The following UROS variants were observed in gnomAD, a reference collection of about 807,000 sequenced individuals.
UROS encodes uroporphyrinogen III synthase.
UROS carries 18 observed loss-of-function variants against 33.0 expected under a neutral mutation model. The ratio of observed to expected loss-of-function variants is 0.55; its 90% CI spans 0.38 to 0.81. The LOEUF (loss-of-function observed/expected upper bound fraction) is 0.81, where lower values mean the gene tolerates loss of function less well. Ranked by LOEUF, UROS falls within the 30% of genes least tolerant of loss-of-function variation. The pLI is 0.00. For missense variants in UROS, 293 were observed against 314.9 expected, an observed-to-expected ratio of 0.93 and a Z score of 0.53; for synonymous variants, 114 against 121.1, an observed-to-expected ratio of 0.94 and a Z score of 0.38.
At chr10:125,789,215 C>T in intron 9 of UROS, 4 of 1,439,014 alleles carry the variant, frequency 2.8e-6, no homozygotes, top group Non-Finnish European at 3.7e-6. Context: ...ATCAGTCTGC[C>T]ACCCTGAGCG....
intron 7 of UROS, chr10:125,796,829 A>G (rs1026103595): frequency 1.2e-4 from 115 of 985,316 alleles, no homozygotes; most frequent in Non-Finnish European, 1.3e-4. Flanking sequence ...GGGCAGCCAG[A>G]TGGTAGGTGA....
intron 6 of UROS, chr10:125,802,328 C>T (rs1851908814): frequency 3.0e-6 from 3 of 985,940 alleles, no homozygotes; most frequent in South Asian, 4.7e-5. Context: ...GAACAACTGT[C>T]TGTGGCTTCC....
At chr10:125,822,691 C>A (rs1247737196) in intron 1 of UROS, among the ~76,000 whole-genome samples, 1 of 152,202 alleles carries the variant, frequency 6.6e-6, no homozygotes, top group Non-Finnish European at 1.5e-5. Context: ...CTCCTGACCT[C>A]TGGTGATCCA....
At chr10:125,795,245 C>A (rs1589931902) in intron 8 of UROS, 1 of 504,642 alleles carries the variant, frequency 2.0e-6, no homozygotes, top group Non-Finnish European at 3.6e-6. Context: ...CATCCCGGAG[C>A]TCATGTGCCC....
chr10:125,810,994 CCTAA>C (rs1325054851), intron 5 of UROS, among the ~76,000 whole-genome samples: 5 of 152,324 alleles, frequency 3.3e-5, no homozygotes, highest in East Asian at 1.9e-4. Flanking sequence ...CCAGTGAGTG[CCTAA>C]CTGAGACCAA....
intron 9 of UROS, chr10:125,793,576 C>T (rs1369680092): frequency 6.6e-6 from 1 of 152,298 alleles, no homozygotes; most frequent in African/African-American, 2.4e-5. Context: ...TACGGAGTTT[C>T]ACTCTTGTCA....
chr10:125,815,464 G>T (rs1853231884), intron 3 of UROS, among the ~76,000 whole-genome samples: 1 of 152,160 alleles, frequency 6.6e-6, no homozygotes, highest in South Asian at 2.1e-4. Flanking sequence ...TGCAGGTAGT[G>T]GGGGAAGACT....
At chr10:125,818,815 T>C (rs2133964572) in intron 1 of UROS, among the ~76,000 whole-genome samples, 1 of 152,330 alleles carries the variant, frequency 6.6e-6, no homozygotes, top group African/African-American at 2.4e-5. Flanking sequence ...CTGTAGTAGA[T>C]GCTCATTATT....
intron 1 of UROS, among the ~76,000 whole-genome samples, chr10:125,817,699 G>A (rs1190543538): frequency 6.6e-6 from 1 of 152,048 alleles, no homozygotes; most frequent in Non-Finnish European, 1.5e-5. Context: ...CCACCTACGA[G>A]GCTTAGGAAG....
At chr10:125,812,094 A>T in intron 5 of UROS, 120 bp downstream of exon 5, 1 of 869,458 alleles carries the variant, frequency 1.2e-6, no homozygotes, top group Non-Finnish European at 1.8e-6. Flanking sequence ...TCGTATACTT[A>T]ATTAATTTTT....
chr10:125,800,864 C>A (rs1372535539), intron 6 of UROS, among the ~76,000 whole-genome samples: 3 of 152,176 alleles, frequency 2.0e-5, no homozygotes, highest in Non-Finnish European at 4.4e-5. Context: ...GCCACTGCGC[C>A]CAGCTGAGGG....
chr10:125,787,970 C>T (rs912281482), downstream of UROS, among the ~76,000 whole-genome samples: 2 of 152,174 alleles, frequency 1.3e-5, no homozygotes, highest in Non-Finnish European at 2.9e-5. Flanking sequence ...ATCATTTCAC[C>T]TCACCAGAGT....
At chr10:125,789,423 C>T (rs1302227848) in intron 9 of UROS, 1 of 1,097,428 alleles carries the variant, frequency 9.1e-7, no homozygotes, top group Admixed American at 4.3e-5. Context: ...AAAGTAGAGC[C>T]ATCAAGGTCA....
At position 125,789,015 on chromosome 10, in the gene UROS, CAGAAG is replaced by C. The variant is rs1358889911; in HGVS notation, c.661-15_661-11del. On this transcript the variant is annotated splice_polypyrimidine_tract_variant and intron_variant, in intron 9 of 9. Coordinates refer to ENST00000368797, the MANE Select transcript of UROS (RefSeq NM_000375.3). ...GGCCGATGGCTGCAAACTATAAAGACAGAAGAGAAAACAGGGCTTCAGCACACCAG... is the reference window on the plus strand; with the variant it reads ...GGCCGATGGCTGCAAACTATAAAGACAGAAAACAGGGCTTCAGCACACCAG... The C allele has an allele frequency of 2.0e-5, 32 of 1,612,672 alleles. No individual in the cohort carries two copies. The highest frequency in any genetic ancestry group is 2.1e-5 in the Non-Finnish European group (25 of 1,179,956).
At chr10:125,821,497 G>A (rs1363577452) in intron 1 of UROS, among the ~76,000 whole-genome samples, 1 of 152,244 alleles carries the variant, frequency 6.6e-6, no homozygotes, top group Non-Finnish European at 1.5e-5. Flanking sequence ...TTTAACTACA[G>A]TTTCAATTTT....
intron 6 of UROS, among the ~76,000 whole-genome samples, chr10:125,799,241 T>A (rs1233739693): frequency 6.6e-6 from 1 of 152,172 alleles, no homozygotes; most frequent in Non-Finnish European, 1.5e-5. Flanking sequence ...TGTACCAACA[T>A]AAAATAAAAT....
At chr10:125,820,132 A>C (rs2133973336) in intron 1 of UROS, among the ~76,000 whole-genome samples, 1 of 152,296 alleles carries the variant, frequency 6.6e-6, no homozygotes, top group South Asian at 2.1e-4. Context: ...GGTGTATTAG[A>C]GTTCTTCAGA....
At chr10:125,791,712 T>C (rs1177056545) in intron 9 of UROS, 1 of 152,150 alleles carries the variant, frequency 6.6e-6, no homozygotes, top group East Asian at 1.9e-4. Flanking sequence ...AAAGAGTCAG[T>C]TACAAAAGAC....
chr10:125,807,249 TA>T, intron 6 of UROS, 163 bp downstream of exon 6: 1 of 681,248 alleles, frequency 1.5e-6, no homozygotes, highest in Non-Finnish European at 2.6e-6. Context: ...AGTATAGACA[TA>T]CACAAATACA....
Sources: gnomAD v4.1 joint callset for allele counts (sites outside exome capture counted in the v4.1 genomes callset) on GRCh38, gnomAD v4.1.1 for gene constraint, MANE v1.5 for transcripts, NCBI Gene and HGNC (gene_info 2026-07-23, HGNC 2026-07-21) for gene names.